The following RNASE9 variants were observed in gnomAD, a reference collection of about 807,000 sequenced individuals.
RNASE9 encodes inactive ribonuclease-like protein 9.
For missense variants in RNASE9, 263 were observed against 247.1 expected, an observed-to-expected ratio of 1.06 and a Z score of -0.43; for synonymous variants, 95 against 87.6, an observed-to-expected ratio of 1.08 and a Z score of -0.47.
At chr14:20,558,220 C>G in exon 3 of RNASE9, 1 of 439,868 alleles carries the variant, frequency 2.3e-6, no homozygotes, top group Non-Finnish European at 4.1e-6. Flanking sequence ...TTGGTGGCAA[C>G]CTGAGTGATT....
In RNASE9 at chr14:20,557,006, G is replaced by A. The variant is rs770197460; in HGVS notation, c.64C>T (p.Gln22Ter). Residue 22 changes from glutamine to a stop codon, truncating the protein, a stop_gained, in exon 3 of 3, where the codon CAG becomes TAG. Coordinates refer to ENST00000555230, the Ensembl canonical transcript of RNASE9. LOFTEE classifies it low-confidence loss of function (END_TRUNC). ...TCCACCTCTTGAAACTGCACCAGCT[G>A]CAGCAGCTGCTGCGGCAATAGAAGC... The A allele has an allele frequency of 6.2e-7, 1 of 1,613,870 alleles. No individual in the cohort carries two copies. Among genetic ancestry groups the A allele is most frequent in the South Asian group, 1.1e-5 (1 of 91,070 alleles).
At chr14:20,560,252 G>C (rs1883900203) in intron 1 of RNASE9, 1 of 151,974 alleles carries the variant, frequency 6.6e-6, no homozygotes, top group Admixed American at 6.5e-5. Context: ...AATAAATCAT[G>C]ATCATATAAT....
At chr14:20,560,410 G>C (rs1287676896) in intron 1 of RNASE9, 4 of 151,830 alleles carry the variant, frequency 2.6e-5, no homozygotes, top group Admixed American at 2.6e-4. Flanking sequence ...TGAAAAATTT[G>C]AGAAATACAA....
exon 3 of RNASE9, chr14:20,556,379 C>T (rs748789408): frequency 2.2e-5 from 25 of 1,147,148 alleles, no homozygotes; most frequent in Non-Finnish European, 2.8e-5. Flanking sequence ...AATTACCATT[C>T]TCAACTTTGA....
chr14:20,558,522 C>G (rs1389338571), exon 3 of RNASE9: 1 of 1,525,674 alleles, frequency 6.6e-7, no homozygotes, highest in Admixed American at 2.0e-5. Flanking sequence ...GCTTTTCCTC[C>G]CATCCCTGCT....
rs149945192 is a variant in RNASE9, at chr14:20,558,760, T to G, written c.-1581-110A>C. 1.5e-3 allele frequency: 949 copies of G among 639,992 alleles called. 20 individuals are homozygous for G. In the East Asian group the frequency reaches 0.026, roughly 18 times the overall value. The allele number at this position is 639,992 out of a possible 1,614,324, so 39.6% of individuals were successfully genotyped here. On this transcript the variant is annotated intron_variant, in intron 2 of 2. Coordinates refer to ENST00000555230, the Ensembl canonical transcript of RNASE9. ...ACAGGGCCTGTCCAGAATACTCTTT[T>G]GTTTTTTAAATCTGCAACCTTCTTA...
chr14:20,559,138 A>T (rs1268750550), intron 2 of RNASE9, among the ~76,000 whole-genome samples: 1 of 151,458 alleles, frequency 6.6e-6, no homozygotes, highest in Non-Finnish European at 1.5e-5. Context: ...TTTTTTTAAG[A>T]GTCATGGTCT....
exon 3 of RNASE9, chr14:20,558,171 T>A: frequency 2.9e-6 from 1 of 344,154 alleles, no homozygotes; most frequent in Non-Finnish European, 5.5e-6. Flanking sequence ...CCTCCTGAGT[T>A]TTCTTACCTT....
exon 3 of RNASE9, chr14:20,556,707 C>T (rs1367562081): frequency 1.2e-6 from 2 of 1,613,780 alleles, no homozygotes; most frequent in Non-Finnish European, 1.7e-6. Flanking sequence ...TCTTACATGG[C>T]ACAAATCTGT....
exon 3 of RNASE9, chr14:20,556,325 G>A: frequency 1.4e-6 from 1 of 703,622 alleles, no homozygotes; most frequent in South Asian, 1.9e-5. Context: ...GAGGTGTTGG[G>A]AAAGGAAGAA....
At chr14:20,558,579 A>G in exon 3 of RNASE9, 1 of 1,551,160 alleles carries the variant, frequency 6.4e-7, no homozygotes. Flanking sequence ...CAAAAGAGTG[A>G]TCCCATGGTG....
chr14:20,559,190 G>A (rs1000513244), intron 2 of RNASE9, among the ~76,000 whole-genome samples: 4 of 151,788 alleles, frequency 2.6e-5, no homozygotes, highest in Non-Finnish European at 4.4e-5. Context: ...GGGGTTCAAG[G>A]AATCCTCCCA....
At chr14:20,557,074 C>A in exon 3 of RNASE9, 1 of 1,598,878 alleles carries the variant, frequency 6.3e-7, no homozygotes, top group Non-Finnish European at 8.5e-7. Context: ...CATCATTTTT[C>A]CTGCAGACAC....
chr14:20,560,220 A>G (rs1268264228), intron 1 of RNASE9: 1 of 152,078 alleles, frequency 6.6e-6, no homozygotes, highest in Non-Finnish European at 1.5e-5. Flanking sequence ...ATTTGTTTGA[A>G]CACCTTATAT....
exon 3 of RNASE9, chr14:20,556,434 C>T: frequency 6.5e-7 from 1 of 1,544,526 alleles, no homozygotes; most frequent in Non-Finnish European, 8.9e-7. Context: ...CCACCCTAAG[C>T]TCTCAGAGAA....
chr14:20,559,146 T>A (rs181610153), intron 2 of RNASE9, among the ~76,000 whole-genome samples: 14 of 152,116 alleles, frequency 9.2e-5, no homozygotes, highest in African/African-American at 3.4e-4. Flanking sequence ...AGAGTCATGG[T>A]CTCACAGTGT....
At chr14:20,558,094 C>A in exon 3 of RNASE9, 2 of 249,720 alleles carry the variant, frequency 8.0e-6, no homozygotes, top group Admixed American at 4.9e-5. Flanking sequence ...GGAATTTGAG[C>A]CCCTAGAGTG....
At chr14:20,560,101 C>T (rs199626081) in intron 1 of RNASE9, among the ~76,000 whole-genome samples, 2 of 151,776 alleles carry the variant, frequency 1.3e-5, no homozygotes, top group East Asian at 1.9e-4. Flanking sequence ...TGTAGGTGAA[C>T]CAATATGTTT....
At chr14:20,558,799 G>T in intron 2 of RNASE9, 1 of 568,670 alleles carries the variant, frequency 1.8e-6, no homozygotes, top group Non-Finnish European at 3.2e-6. Context: ...CTTGATTTAT[G>T]AATTCAACTT....
Sources: allele counts gnomAD v4.1 joint callset (sites outside exome capture counted in the v4.1 genomes callset), GRCh38; gene constraint gnomAD v4.1.1; transcripts MANE v1.5; gene names NCBI Gene and HGNC (gene_info 2026-07-23, HGNC 2026-07-21).